THADA: variants seen among roughly 807,000 people sequenced by gnomAD.
THADA encodes the protein THADA armadillo repeat containing.
A neutral mutation model predicts 219.8 loss-of-function variants in THADA; 213 were observed. That is an observed-to-expected ratio of 0.97 (90% CI 0.87 to 1.09). THADA has a LOEUF of 1.09. THADA is among the 50% of genes least tolerant of loss of function. The pLI, the probability that THADA is intolerant of heterozygous loss-of-function variation, is 0.00. For missense variants in THADA, 2,956 were observed against 2,311.3 expected, an observed-to-expected ratio of 1.28 and a Z score of -5.72; for synonymous variants, 1,018 against 828.9, an observed-to-expected ratio of 1.23 and a Z score of -3.92.
rs1005992799 is a variant in THADA, at chr2:43,498,921, C to G, written c.3656G>C (p.Arg1219Thr). 1 of 1,586,554 alleles carries G rather than the reference C, an allele frequency of 6.3e-7. No individual in the cohort carries two copies. The highest frequency in any genetic ancestry group is 1.3e-5 in the African/African-American group (1 of 74,510). The change falls in exon 25 of 38, where the codon AGA becomes ACA. Residue 1219 changes from arginine (R) to threonine (T), a missense_variant. By Grantham distance (71) the Arg-to-Thr change is moderately conservative. Transcript: ENST00000405975. ...HALNILRALF[R>T]DTRLGENIIP... ...AATATTTTCTCCCAGGCGCGTATCT[C>G]TGAACAATGCTCTAAGGATATTTAA... is the stretch of plus-strand genomic sequence containing the variant.
At chr2:43,590,225 T>C (rs1701411622) in intron 4 of THADA, among the ~76,000 whole-genome samples, 1 of 152,096 alleles carries the variant, frequency 6.6e-6, no homozygotes, top group Admixed American at 6.6e-5. Flanking sequence ...AAATATATAT[T>C]TAAACCAAGA....
At chr2:43,334,291 T>C (rs1464040982) in intron 30 of THADA, among the ~76,000 whole-genome samples, 1 of 151,648 alleles carries the variant, frequency 6.6e-6, no homozygotes, top group East Asian at 1.9e-4. Flanking sequence ...GAGGCACACA[T>C]GAAAGGGCAC....
chr2:43,361,189 C>T (rs1247277227), intron 29 of THADA, among the ~76,000 whole-genome samples: 2 of 152,144 alleles, frequency 1.3e-5, no homozygotes, highest in African/African-American at 4.8e-5. Flanking sequence ...AAACCCTGGC[C>T]TACTATCATA....
At chr2:43,353,042 C>T (rs1476183279) in intron 29 of THADA, among the ~76,000 whole-genome samples, 1 of 152,182 alleles carries the variant, frequency 6.6e-6, no homozygotes, top group African/African-American at 2.4e-5. Flanking sequence ...AAAGTGTCCT[C>T]CTGGTCCATT....
intron 29 of THADA, among the ~76,000 whole-genome samples, chr2:43,387,008 G>A (rs1382827548): frequency 3.3e-5 from 5 of 151,882 alleles, no homozygotes; most frequent in Non-Finnish European, 7.4e-5. Context: ...TATGGACAAA[G>A]CTTTATGCTT....
intron 30 of THADA, among the ~76,000 whole-genome samples, chr2:43,336,633 A>C (rs960551517): frequency 6.6e-6 from 1 of 151,826 alleles, no homozygotes; most frequent in Non-Finnish European, 1.5e-5. Flanking sequence ...ACCACACCAC[A>C]GTATCAGGTT....
chr2:43,560,341 C>A lies in THADA; in HGVS notation c.2356G>T (p.Gly786Cys). The A allele has an allele frequency of 6.2e-7, 1 of 1,611,684 alleles. No homozygotes were observed. The highest frequency in any genetic ancestry group is 8.5e-7 in the Non-Finnish European group (1 of 1,178,736). The change falls in exon 16 of 38, where the codon GGT becomes TGT. Residue 786 changes from glycine to cysteine, a missense_variant. Physicochemically the swap from Gly to Cys is radical, Grantham distance 159. Transcript: ENST00000405975. ...VYQLSHDIDVGRFQTLMECFT... is the reference protein window; with the variant it reads ...VYQLSHDIDVCRFQTLMECFT... ...CATTCCATTAGTGTTTGGAAACGACCAACATCAATATCATGACTCAGCTGA... is the reference window on the plus strand; with the variant it reads ...CATTCCATTAGTGTTTGGAAACGACAAACATCAATATCATGACTCAGCTGA...
intron 25 of THADA, among the ~76,000 whole-genome samples, chr2:43,490,163 C>T (rs1687451610): frequency 6.6e-6 from 1 of 152,100 alleles, no homozygotes; most frequent in Admixed American, 6.6e-5. Flanking sequence ...TTTTTCACTG[C>T]TAGTGTACAA....
intron 7 of THADA, among the ~76,000 whole-genome samples, chr2:43,582,410 T>C (rs1700554942): frequency 6.7e-6 from 1 of 150,346 alleles, no homozygotes; most frequent in South Asian, 2.1e-4. Flanking sequence ...GGCAGGAGAA[T>C]CGCTTGAACC....
intron 22 of THADA, among the ~76,000 whole-genome samples, chr2:43,509,004 G>T (rs1289896376): frequency 3.9e-5 from 6 of 152,154 alleles, no homozygotes; most frequent in Admixed American, 2.0e-4. Context: ...CATGTGTCTT[G>T]TCTGCAAAAT....
At chr2:43,480,524 A>G (rs1254366624) in intron 26 of THADA, among the ~76,000 whole-genome samples, 1 of 152,118 alleles carries the variant, frequency 6.6e-6, no homozygotes, top group Non-Finnish European at 1.5e-5. Context: ...GGGTTTGAGG[A>G]TGTTAATATT....
intron 36 of THADA, among the ~76,000 whole-genome samples, chr2:43,258,437 G>T (rs924216430): frequency 2.0e-5 from 3 of 152,164 alleles, no homozygotes; most frequent in Non-Finnish European, 4.4e-5. Context: ...TGGGAGAATC[G>T]CTTGAGCCTG....
At chr2:43,516,524 G>T (rs1011247149) in intron 22 of THADA, among the ~76,000 whole-genome samples, 1 of 152,108 alleles carries the variant, frequency 6.6e-6, no homozygotes, top group Admixed American at 6.6e-5. Context: ...CATCGTGGTT[G>T]TACAACTGCT....
At chr2:43,237,713 T>A (rs72875577) in intron 36 of THADA, among the ~76,000 whole-genome samples, 2,068 of 151,874 alleles carry the variant, frequency 0.014, 46 homozygotes, top group African/African-American at 0.047. Context: ...GCCACCACGC[T>A]TGGCCTTAGA....
At chr2:43,390,608 C>T (rs868149564) in intron 29 of THADA, among the ~76,000 whole-genome samples, 1 of 152,130 alleles carries the variant, frequency 6.6e-6, no homozygotes, top group Non-Finnish European at 1.5e-5. Context: ...CAACGATTAC[C>T]TTCTAACAAA....
At position 43,580,110 on chromosome 2, in the gene THADA, T is replaced by G. The variant is rs1441997656; in HGVS notation, c.722-1503A>C. The stretch of plus-strand genomic sequence containing the variant: ...CATGATCTTGGCTCACTGCAACCTC[T>G]GTCTCCCGGGTTCAACTGATTCCCC... On this transcript the variant is annotated intron_variant, in intron 8 of 37. Transcript: ENST00000405975. Among the ~76,000 whole-genome samples the G allele has an allele frequency of 4.7e-5, 7 of 148,506 alleles. No homozygotes were observed. The South Asian group carries it at 1.5e-3, about 32-fold the overall frequency.
intron 26 of THADA, among the ~76,000 whole-genome samples, chr2:43,477,373 G>C (rs1488017766): frequency 1.3e-5 from 2 of 152,196 alleles, no homozygotes; most frequent in Non-Finnish European, 2.9e-5. Context: ...ACAGGTCTGA[G>C]AAACCTGTCA....
At chr2:43,575,171 CAAGTA>C in intron 10 of THADA, 144 bp from the exon 11 acceptor site, 1 of 647,734 alleles carries the variant, frequency 1.5e-6, no homozygotes, top group Non-Finnish European at 2.5e-6. Context: ...CAAAAAACTA[CAAGTA>C]AAGCCAAAAC....
chr2:43,301,488 A>C (rs1676260758), intron 31 of THADA, among the ~76,000 whole-genome samples: 2 of 152,182 alleles, frequency 1.3e-5, no homozygotes, highest in South Asian at 4.1e-4. Context: ...TGGAGCTCCA[A>C]CTGGGTGGGG....
Sources: gnomAD v4.1 joint callset for allele counts (sites outside exome capture counted in the v4.1 genomes callset) on GRCh38, gnomAD v4.1.1 for gene constraint, MANE v1.5 for transcripts, NCBI Gene and HGNC (gene_info 2026-07-23, HGNC 2026-07-21) for gene names.